Variants in RAF1 observed in about 807,000 individuals in gnomAD.
RAF1 encodes the protein Raf-1 proto-oncogene, serine/threonine kinase.
RAF1 carries 27 observed loss-of-function variants against 81.1 expected under a neutral mutation model. That is an observed-to-expected ratio of 0.33 (90% CI 0.25 to 0.46). The LOEUF (loss-of-function observed/expected upper bound fraction) is 0.46, where lower values mean the gene tolerates loss of function less well. RAF1 is among the 20% of genes least tolerant of loss of function. RAF1 has a pLI of 1.00. For synonymous variants in RAF1, 298 were observed against 294.0 expected (o/e 1.01, Z -0.14); for missense variants, 598 against 826.0 (o/e 0.72, Z 3.38).
chr3:12,588,241 G>A (rs1217165135), intron 13 of RAF1: 1 of 152,230 alleles, frequency 6.6e-6, no homozygotes, highest in African/African-American at 2.4e-5. Context: ...ATGAAGTAGT[G>A]ACTCATGCTA....
Position 12,604,181 on chromosome 3 carries a change from G to T in RAF1, c.789C>A (p.Val263=), listed in dbSNP as rs1308245149. Residue 263 remains valine, a synonymous_variant, in exon 7 of 18, where the codon GTC becomes GTA. Transcript: ENST00000442415. Reference sequence around the variant, plus strand: ...CAGGCAGGGTGGTGCTGACCATGTGGACATTAGGTGTGGATGTCGACCTCT... The same window carrying T: ...CAGGCAGGGTGGTGCTGACCATGTGTACATTAGGTGTGGATGTCGACCTCT... The T allele has an allele frequency of 6.2e-7, 1 of 1,614,180 alleles. No homozygotes were observed. Among genetic ancestry groups the T allele is most frequent in the African/African-American group, 1.3e-5 (1 of 75,052 alleles).
chr3:12,655,270 G>C (rs2060654551), intron 1 of RAF1, among the ~76,000 whole-genome samples: 1 of 152,102 alleles, frequency 6.6e-6, no homozygotes, highest in Non-Finnish European at 1.5e-5. Context: ...ACTTTTAGTA[G>C]AGACGGGGTT....
chr3:12,660,602 C>T (rs1421065878), intron 1 of RAF1, among the ~76,000 whole-genome samples: 1 of 152,166 alleles, frequency 6.6e-6, no homozygotes, highest in Non-Finnish European at 1.5e-5. Flanking sequence ...GCCTGAGCCA[C>T]CACAACTGGC....
chr3:12,634,473 T>C (rs1008073773), intron 1 of RAF1, among the ~76,000 whole-genome samples: 3 of 152,140 alleles, frequency 2.0e-5, no homozygotes, highest in Admixed American at 6.6e-5. Context: ...CTCAAGGGAT[T>C]TGTTACAGGA....
At chr3:12,651,692 A>G (rs2060532360) in intron 1 of RAF1, among the ~76,000 whole-genome samples, 1 of 150,152 alleles carries the variant, frequency 6.7e-6, no homozygotes, top group African/African-American at 2.4e-5. Flanking sequence ...CACAGAATAC[A>G]TGTTCAAAGA....
intron 1 of RAF1, among the ~76,000 whole-genome samples, chr3:12,646,403 C>G (rs958892276): frequency 6.6e-6 from 1 of 152,042 alleles, no homozygotes; most frequent in Non-Finnish European, 1.5e-5. Context: ...GAGGTGGAGT[C>G]TTCCTCTGTC....
chr3:12,640,893 G>A (rs2125530676), intron 1 of RAF1, among the ~76,000 whole-genome samples: 1 of 152,136 alleles, frequency 6.6e-6, no homozygotes, highest in South Asian at 2.1e-4. Context: ...AAATCATGCT[G>A]CTATAAAGAC....
At chr3:12,618,020 G>A (rs1026644194) in intron 2 of RAF1, among the ~76,000 whole-genome samples, 1 of 152,074 alleles carries the variant, frequency 6.6e-6, no homozygotes, top group African/African-American at 2.4e-5. Context: ...TGGTGTCAGT[G>A]CCCTGAAAAA....
intron 11 of RAF1, among the ~76,000 whole-genome samples, chr3:12,594,682 ATC>A (rs1215421588): frequency 2.0e-5 from 3 of 152,132 alleles, no homozygotes; most frequent in Non-Finnish European, 4.4e-5. Context: ...AATATGACTT[ATC>A]TCTGTTAAAA....
At chr3:12,660,846 G>T (rs2060852919) in intron 1 of RAF1, among the ~76,000 whole-genome samples, 1 of 152,070 alleles carries the variant, frequency 6.6e-6, no homozygotes, top group Non-Finnish European at 1.5e-5. Flanking sequence ...GTGGTGGCAG[G>T]CGCCTGTAGT....
intron 1 of RAF1, among the ~76,000 whole-genome samples, chr3:12,621,241 A>C (rs1244815280): frequency 6.6e-6 from 1 of 152,178 alleles, no homozygotes; most frequent in African/African-American, 2.4e-5. Context: ...TAAGTGGCAA[A>C]CTGGGATTCT....
intron 2 of RAF1, 128 bp downstream of exon 2, chr3:12,618,387 T>C (rs1309670722): frequency 4.0e-6 from 4 of 988,274 alleles, no homozygotes; most frequent in Non-Finnish European, 6.1e-6. Context: ...AAATCTGCAG[T>C]TAGAAAAAAA....
chr3:12,641,659 T>G (rs2060191383), intron 1 of RAF1, among the ~76,000 whole-genome samples: 1 of 151,780 alleles, frequency 6.6e-6, no homozygotes, highest in Admixed American at 6.6e-5. Flanking sequence ...ATCCGGCTAA[T>G]TTTTGCTTTT....
intron 1 of RAF1, among the ~76,000 whole-genome samples, chr3:12,635,141 T>C (rs1392005944): frequency 1.3e-5 from 2 of 150,780 alleles, no homozygotes; most frequent in Non-Finnish European, 3.0e-5. Context: ...GCCTGGGCAA[T>C]ATGATGAAAT....
At chr3:12,597,197 C>T (rs13083303) in intron 11 of RAF1, among the ~76,000 whole-genome samples, 18,615 of 152,170 alleles carry the variant, frequency 0.12, 1,373 homozygotes, top group Admixed American at 0.2. Context: ...CGCACCTGGC[C>T]TAAAAAACCT....
At chr3:12,587,535 C>A in intron 14 of RAF1, 56 bp downstream of exon 13, 2 of 1,494,108 alleles carry the variant, frequency 1.3e-6, no homozygotes, top group Non-Finnish European at 1.9e-6. Context: ...AGCCTCCCTT[C>A]TGTTTCCCTA....
chr3:12,638,842 C>T (rs1037987821), intron 1 of RAF1, among the ~76,000 whole-genome samples: 2 of 152,130 alleles, frequency 1.3e-5, no homozygotes, highest in East Asian at 1.9e-4. Context: ...TCGAGACCAA[C>T]CTGGCCAACA....
intron 8 of RAF1, among the ~76,000 whole-genome samples, chr3:12,602,503 C>A (rs187117713): frequency 6.6e-6 from 1 of 152,290 alleles, no homozygotes; most frequent in Non-Finnish European, 1.5e-5. Flanking sequence ...AGGTGCACAC[C>A]ACCAAGCCCA....
chr3:12,600,610 C>T (rs188778594), intron 8 of RAF1, among the ~76,000 whole-genome samples, 195 bp from the exon 8 acceptor site: 1 of 152,300 alleles, frequency 6.6e-6, no homozygotes, highest in Admixed American at 6.5e-5. Context: ...ATCTCCAAGG[C>T]TGATTTTTCA....
Sources: allele counts gnomAD v4.1 joint callset (sites outside exome capture counted in the v4.1 genomes callset), GRCh38; gene constraint gnomAD v4.1.1; transcripts MANE v1.5; gene names NCBI Gene and HGNC (gene_info 2026-07-23, HGNC 2026-07-21).